The following NAGA variants were observed in gnomAD, a reference collection of about 807,000 sequenced individuals.
NAGA encodes alpha-N-acetylgalactosaminidase.
Under a neutral mutation model 45.6 loss-of-function variants are expected in NAGA, and 42 were observed. The observed-to-expected ratio is 0.92, with a 90% CI of 0.72 to 1.19. The LOEUF (loss-of-function observed/expected upper bound fraction) is 1.19, where lower values mean the gene tolerates loss of function less well. Among genes scored for constraint, NAGA ranks in the 50% most tolerant of loss-of-function variants. NAGA has a pLI of 0.00. For missense variants in NAGA, 493 were observed against 544.8 expected, an observed-to-expected ratio of 0.90 and a Z score of 0.95; for synonymous variants, 176 against 203.1, an observed-to-expected ratio of 0.87 and a Z score of 1.13.
chr22:42,059,724 G>A lies in NAGA; in HGVS notation c.*555C>T, dbSNP rs141688392. 260 of 163,826 alleles carry A rather than the reference G, an allele frequency of 1.6e-3. No homozygotes were observed. The Middle Eastern group carries it at 0.022, about 14-fold the overall frequency. The allele number at this position is 163,826 out of a possible 1,614,324, so 10.1% of individuals were successfully genotyped here. ...CAGCACCCCGTGTAGTGCCACCAGA[G>A]TCCCTAACTAAAGGTACCCCAGGTC... is the stretch of plus-strand genomic sequence containing the variant. On this transcript the variant is annotated 3_prime_UTR_variant, in exon 9 of 9. Transcript: ENST00000396398.
At chr22:42,065,617 T>C in intron 6 of NAGA, 121 bp downstream of exon 6, 1 of 1,358,004 alleles carries the variant, frequency 7.4e-7, no homozygotes, top group Non-Finnish European at 1.0e-6. Flanking sequence ...CAGGGACACA[T>C]TTCAGAAGCG....
intron 6 of NAGA, among the ~76,000 whole-genome samples, chr22:42,064,824 C>T (rs1217827062): frequency 6.6e-6 from 1 of 152,114 alleles, no homozygotes; most frequent in Non-Finnish European, 1.5e-5. Flanking sequence ...CAGAACGGGA[C>T]AAAGTCCCTG....
intron 7 of NAGA, among the ~76,000 whole-genome samples, chr22:42,061,963 A>AG (rs1926428447): frequency 6.6e-6 from 1 of 151,378 alleles, no homozygotes; most frequent in African/African-American, 2.4e-5. Context: ...AAAAAAAAAA[A>AG]AAAAAAAAGG....
chr22:42,070,148 C>T, intron 1 of NAGA, 134 bp downstream of exon 1: 1 of 1,049,106 alleles, frequency 9.5e-7, no homozygotes, highest in East Asian at 2.4e-5. Context: ...AGCATCTCCT[C>T]CCTTCCTGCC....
chr22:42,064,097 T>C (rs1198811509), intron 6 of NAGA, among the ~76,000 whole-genome samples: 1 of 151,044 alleles, frequency 6.6e-6, no homozygotes, highest in South Asian at 2.1e-4. Context: ...TCCCAGCACT[T>C]TGGGAGGCTG....
chr22:42,068,307 T>C, intron 2 of NAGA, 132 bp downstream of exon 2: 1 of 1,445,052 alleles, frequency 6.9e-7, no homozygotes, highest in South Asian at 1.2e-5. Context: ...ACAGTCCGAG[T>C]GACTTCTGGC....
chr22:42,068,638 C>T, intron 1 of NAGA, 64 bp from the exon 2 acceptor site: 1 of 1,601,086 alleles, frequency 6.2e-7, no homozygotes, highest in Non-Finnish European at 8.5e-7. Flanking sequence ...GCCCTCATCC[C>T]ACCCCATCTG....
At position 42,063,294 on chromosome 22, in the gene NAGA, C is replaced by T. The variant is rs192723477; in HGVS notation, c.760-270G>A. Among the ~76,000 whole-genome samples the T allele has an allele frequency of 3.8e-3, 572 of 152,144 alleles. 5 individuals carry two copies. Among genetic ancestry groups the T allele is most frequent in the Non-Finnish European group, 6.2e-3 (423 of 68,008 alleles). On this transcript the variant is annotated intron_variant, in intron 6 of 8. Coordinates refer to ENST00000396398, the MANE Select transcript of NAGA (RefSeq NM_000262.3). ...GGGCAGATGGCCAGGTGCGGCGGCT[C>T]ATGCTTGTAAATGCCAGCACTTTGG...
chr22:42,066,888 G>A, intron 4 of NAGA, 84 bp from the exon 5 acceptor site: 9 of 1,464,866 alleles, frequency 6.1e-6, no homozygotes, highest in South Asian at 2.4e-5. Flanking sequence ...CCCAACAGAT[G>A]TGAAGAAACA....
At chr22:42,066,935 G>A in intron 4 of NAGA, 131 bp from the exon 5 acceptor site, 1 of 1,355,972 alleles carries the variant, frequency 7.4e-7, no homozygotes. Flanking sequence ...CATACCCAGA[G>A]CCTCAAATGC....
At chr22:42,065,591 T>C (rs781311464) in intron 6 of NAGA, 147 bp downstream of exon 6, 2 of 1,096,322 alleles carry the variant, frequency 1.8e-6, no homozygotes, top group Non-Finnish European at 2.6e-6. Context: ...CTAAGTCAAG[T>C]CTAAAGCAAC....
rs564883835 is a variant in NAGA, at chr22:42,063,171, A to G, written c.760-147T>C. The G allele has an allele frequency of 1.1e-4, 88 of 804,290 alleles. No individual in the cohort carries two copies. In the African/African-American group the frequency reaches 1.4e-3, roughly 13 times the overall value. The allele number at this position is 804,290 out of a possible 1,614,324, so 49.8% of individuals were successfully genotyped here. On this transcript the variant is annotated intron_variant, in intron 6 of 8. Transcript: ENST00000396398. ...GAGGAGGCCTGGTTCAGCAAACACC[A>G]TTCCCTAGCCCTGTGGCCTTGGGGG...
At position 42,065,182 on chromosome 22, in the gene NAGA, A is replaced by G. The variant is rs1041016817; in HGVS notation, c.759+556T>C. On this transcript the variant is annotated intron_variant, in intron 6 of 8. Transcript: ENST00000396398. ...ACCTGGCTTAGCACTTGTAATTCTT[A>G]TAATCATCATAGGATCAATCAGGTA... Among the ~76,000 whole-genome samples, 4 of 152,306 alleles carry G rather than the reference A, an allele frequency of 2.6e-5. No individual in the cohort carries two copies. The East Asian group carries it at 7.7e-4, about 29-fold the overall frequency.
At chr22:42,066,034 T>C (rs903932408) in intron 5 of NAGA, 135 bp from the exon 6 acceptor site, 1 of 1,195,788 alleles carries the variant, frequency 8.4e-7, no homozygotes, top group African/African-American at 1.5e-5. Context: ...CCCACCGGCT[T>C]GCTCAGGATG....
In NAGA at chr22:42,060,234, C is replaced by A. The variant is rs201643365; in HGVS notation, c.*45G>T. ...CCTGGGCATGCCAAGGCTCCATGGT[C>A]TAGGCTCAGTGGTGCCACCACAGCC... On this transcript the variant is annotated 3_prime_UTR_variant, in exon 9 of 9. Coordinates refer to ENST00000396398, the MANE Select transcript of NAGA (RefSeq NM_000262.3). 45 of 1,610,462 alleles carry A rather than the reference C, an allele frequency of 2.8e-5. No homozygotes were observed. The African/African-American group carries it at 6.0e-4, about 21-fold the overall frequency.
chr22:42,067,886 CGCCATCCATCCTGT>C lies in NAGA; in HGVS notation c.189_202del (p.Gln64GlyfsTer10), dbSNP rs767061355. ...GTTGAGGTATGTGTAGCCCATGTCC[CGCCATCCATCCTGT>C]GCCATCCGGTCAGCCATCTCCATGA... On this transcript the variant is annotated frameshift_variant, in exon 3 of 9. Coordinates refer to ENST00000396398, the MANE Select transcript of NAGA (RefSeq NM_000262.3). LOFTEE classifies it high-confidence loss of function. 3 of 1,613,754 alleles carry C rather than the reference CGCCATCCATCCTGT, an allele frequency of 1.9e-6. No homozygotes were observed. The highest frequency in any genetic ancestry group is 2.5e-6 in the Non-Finnish European group (3 of 1,180,012).
At chr22:42,061,183 G>C in intron 7 of NAGA, 116 bp from the exon 8 acceptor site, 1 of 1,345,410 alleles carries the variant, frequency 7.4e-7, no homozygotes, top group Non-Finnish European at 1.0e-6. Flanking sequence ...TGTCACACAG[G>C]TTTAGGGAGG....
At chr22:42,069,551 G>GT (rs1414288657) in intron 1 of NAGA, among the ~76,000 whole-genome samples, 1 of 148,246 alleles carries the variant, frequency 6.7e-6, no homozygotes, top group Non-Finnish European at 1.5e-5. Context: ...GGAGATGGAG[G>GT]TTGCAGTGAG....
Position 42,066,724 on chromosome 22 carries a change from C to A in NAGA, c.583G>T (p.Gly195Cys), listed in dbSNP as rs757312156. The A allele has an allele frequency of 6.2e-7, 1 of 1,601,326 alleles. No homozygotes were observed. Among genetic ancestry groups the A allele is most frequent in the Admixed American group, 1.7e-5 (1 of 57,986 alleles). Reference sequence around the variant, plus strand: ...GAATGGCTTACCCTTGGGGGGAGGCCGCCTTCATAGGCTGGCCAGCTGCAG... The same window carrying A: ...GAATGGCTTACCCTTGGGGGGAGGCAGCCTTCATAGGCTGGCCAGCTGCAG... ...FSCSWPAYEG[G>C]LPPRVNYSLL... Residue 195 changes from glycine to cysteine, a missense_variant, in exon 5 of 9, where the codon GGC becomes TGC. Transcript: ENST00000396398.
Sources: gnomAD v4.1 joint callset for allele counts (sites outside exome capture counted in the v4.1 genomes callset) on GRCh38, gnomAD v4.1.1 for gene constraint, MANE v1.5 for transcripts, NCBI Gene and HGNC (gene_info 2026-07-23, HGNC 2026-07-21) for gene names.